The following OSBPL9 variants were observed in gnomAD, a reference collection of about 807,000 sequenced individuals.
OSBPL9 encodes oxysterol-binding protein-related protein 9.
A neutral mutation model predicts 106.6 loss-of-function variants in OSBPL9; 40 were observed. That is an observed-to-expected ratio of 0.38 (90% confidence interval 0.29 to 0.49). The LOEUF is 0.49. OSBPL9 is among the 20% of genes least tolerant of loss of function. OSBPL9 has a pLI of 0.97. For missense variants in OSBPL9, 609 were observed against 887.2 expected (o/e 0.69, Z 3.98); for synonymous variants, 269 against 295.4 (o/e 0.91, Z 0.92).
At chr1:51,592,108 C>CTTT (rs34379031) in intron 1 of OSBPL9, among the ~76,000 whole-genome samples, 1,162 of 77,084 alleles carry the variant, frequency 0.015, 8 homozygotes, top group Middle Eastern at 0.029. Flanking sequence ...GTTGCTAAGG[C>CTTT]TTTTTTTTTT....
At chr1:51,692,490 G>A (rs927727540) in intron 3 of OSBPL9, among the ~76,000 whole-genome samples, 16 of 152,028 alleles carry the variant, frequency 1.1e-4, no homozygotes, top group Admixed American at 9.8e-4. Flanking sequence ...TGCCACAAAC[G>A]CCCTGCAAAG....
chr1:51,678,487 C>A (rs1023471430), intron 3 of OSBPL9, among the ~76,000 whole-genome samples: 3 of 151,960 alleles, frequency 2.0e-5, no homozygotes, highest in African/African-American at 7.3e-5. Context: ...ATGGGGAAAC[C>A]CCGTCTCTAC....
the OSBPL9 span, among the ~76,000 whole-genome samples, chr1:51,543,574 A>C: frequency 6.6e-6 from 1 of 151,888 alleles, no homozygotes; most frequent in Non-Finnish European, 1.5e-5. Flanking sequence ...TTTTTGTATC[A>C]TTAGTAGAGA....
the OSBPL9 span, among the ~76,000 whole-genome samples, chr1:51,551,858 G>T: frequency 6.6e-6 from 1 of 152,088 alleles, no homozygotes; most frequent in South Asian, 2.1e-4. Flanking sequence ...CTTCCAGAGT[G>T]CTGGGATTAC....
At chr1:51,678,891 C>T (rs1180515550) in intron 3 of OSBPL9, among the ~76,000 whole-genome samples, 2 of 152,192 alleles carry the variant, frequency 1.3e-5, no homozygotes, top group Non-Finnish European at 2.9e-5. Flanking sequence ...CTTCTGCTAT[C>T]TCAACACTAT....
the OSBPL9 span, among the ~76,000 whole-genome samples, chr1:51,549,851 A>C: frequency 1.3e-5 from 2 of 151,812 alleles, no homozygotes; most frequent in Non-Finnish European, 3.0e-5. Flanking sequence ...ACAAAACAAA[A>C]AGCACTTAAA....
intron 1 of OSBPL9, among the ~76,000 whole-genome samples, chr1:51,642,314 T>C (rs900088188): frequency 6.6e-6 from 1 of 152,202 alleles, no homozygotes; most frequent in African/African-American, 2.4e-5. Context: ...TTAAGGCTAA[T>C]AGGGATGATG....
chr1:51,634,575 A>G (rs538155278), intron 1 of OSBPL9, among the ~76,000 whole-genome samples: 1 of 152,330 alleles, frequency 6.6e-6, no homozygotes, highest in Admixed American at 6.5e-5. Context: ...TGGGAGCCAT[A>G]CAAAATATGA....
At chr1:51,581,831 G>A (rs1404873290) in intron 1 of OSBPL9, among the ~76,000 whole-genome samples, 10 of 152,022 alleles carry the variant, frequency 6.6e-5, no homozygotes, top group South Asian at 2.1e-4. Flanking sequence ...CTCAAATGTC[G>A]TTAGCCATTG....
At chr1:51,609,775 T>G (rs1643973628) in intron 2 of OSBPL9, among the ~76,000 whole-genome samples, 1 of 151,520 alleles carries the variant, frequency 6.6e-6, no homozygotes, top group Non-Finnish European at 1.5e-5. Flanking sequence ...TAGACGGAGT[T>G]TTGCTCTTGT....
At chr1:51,741,211 A>G (rs768105385) in intron 4 of OSBPL9, among the ~76,000 whole-genome samples, 2 of 152,170 alleles carry the variant, frequency 1.3e-5, no homozygotes, top group Admixed American at 6.6e-5. Flanking sequence ...ATATTCTTCT[A>G]CAAGTCTAGT....
intron 2 of OSBPL9, among the ~76,000 whole-genome samples, chr1:51,610,557 T>A (rs1466934995): frequency 6.6e-6 from 1 of 152,220 alleles, no homozygotes; most frequent in African/African-American, 2.4e-5. Context: ...ATTGTTATAT[T>A]GGAGATAGAG....
At chr1:51,771,924 T>TAAAGGATAAGAC (rs1553191058) in intron 12 of OSBPL9, 146 bp from the exon 13 acceptor site, 1 of 580,448 alleles carries the variant, frequency 1.7e-6, no homozygotes, top group East Asian at 3.2e-5. Flanking sequence ...ATCCTGTGCA[T>TAAAGGATAAGAC]AAAGGATAAG....
rs759965779 is a variant in OSBPL9 at position 51,697,453 on chromosome 1, CTTTTTT to C, written c.242-16532_242-16527del. 8.7e-5 allele frequency among the ~76,000 whole-genome samples: 9 copies of C among 103,166 alleles called. No homozygotes were observed. In the South Asian group the frequency reaches 1.4e-3, roughly 16 times the overall value. 67.7% of individuals were successfully genotyped at this position (103,166 alleles called of 152,430 possible). A position where few individuals can be genotyped will look rare whatever the true frequency, so the allele number is the denominator to read the frequency against. ...GAGGCCTTCCTGATTATAGGGGTTA[CTTTTTT>C]TTTTTTTTTTTTTTTTTACTTAAAT... On this transcript the variant is annotated intron_variant, in intron 3 of 23. Coordinates refer to ENST00000428468, the MANE Select transcript of OSBPL9 (RefSeq NM_024586.6).
chr1:51,764,840 C>T (rs1207290868), intron 11 of OSBPL9, among the ~76,000 whole-genome samples: 1 of 152,210 alleles, frequency 6.6e-6, no homozygotes, highest in African/African-American at 2.4e-5. Flanking sequence ...CCAACTGGTC[C>T]TCCCAAAGTG....
At chr1:51,722,340 T>C (rs1662319596) in intron 4 of OSBPL9, among the ~76,000 whole-genome samples, 1 of 152,206 alleles carries the variant, frequency 6.6e-6, no homozygotes, top group South Asian at 2.1e-4. Context: ...CAACACAGAA[T>C]GTTACCTGTA....
Position 51,676,206 on chromosome 1 carries a change from G to C in OSBPL9, c.241+6694G>C, listed in dbSNP as rs1050628242. 8.5e-5 allele frequency among the ~76,000 whole-genome samples: 13 copies of C among 152,160 alleles called. No homozygotes were observed. The East Asian group carries it at 1.7e-3, about 20-fold the overall frequency. ...CTTTGGGAGACCGAGGTGGTGGGTG[G>C]ATCACTTCAGACCAGGAGTTTGAGA... is the stretch of plus-strand genomic sequence containing the variant. On this transcript the variant is annotated intron_variant, in intron 3 of 23. Coordinates refer to ENST00000428468, the MANE Select transcript of OSBPL9 (RefSeq NM_024586.6).
chr1:51,561,689 G>A, the OSBPL9 span: 1 of 152,190 alleles, frequency 6.6e-6, no homozygotes, highest in Admixed American at 6.5e-5. Context: ...ACAGCATTTG[G>A]TACATGAGAG....
At chr1:51,575,500 C>T (rs927962647), upstream of OSBPL9, among the ~76,000 whole-genome samples, 11 of 151,938 alleles carry the variant, frequency 7.2e-5, no homozygotes, top group Admixed American at 2.0e-4. Context: ...CGTGAGCCAC[C>T]GTGCCCAGCC....
Sources: allele counts gnomAD v4.1 joint callset (sites outside exome capture counted in the v4.1 genomes callset), GRCh38; gene constraint gnomAD v4.1.1; transcripts MANE v1.5; gene names NCBI Gene and HGNC (gene_info 2026-07-23, HGNC 2026-07-21).